PCDHA4: variants seen among roughly 807,000 people sequenced by gnomAD.
PCDHA4 encodes the protein protocadherin alpha-4.
A neutral mutation model predicts 61.4 loss-of-function variants in PCDHA4; 49 were observed. That is an observed-to-expected ratio of 0.80 (90% CI 0.63 to 1.01). The LOEUF (loss-of-function observed/expected upper bound fraction) is 1.01, where lower values mean the gene tolerates loss of function less well. Among genes scored for constraint, PCDHA4 ranks in the 50% least tolerant of loss-of-function variants. PCDHA4 has a pLI of 0.00. For synonymous variants in PCDHA4, 590 were observed against 550.3 expected (o/e 1.07, Z -1.01); for missense variants, 1,254 against 1,235.8 (o/e 1.01, Z -0.22).
At chr5:140,927,753 C>T (rs1435866827) in intron 1 of PCDHA4, 3 of 1,614,078 alleles carry the variant, frequency 1.9e-6, no homozygotes, top group Non-Finnish European at 2.5e-6. Flanking sequence ...TTCACGTGCA[C>T]CCTAAAAGTG....
intron 1 of PCDHA4, among the ~76,000 whole-genome samples, chr5:140,900,338 C>T (rs145242611): frequency 0.027 from 4,159 of 152,082 alleles, 89 homozygotes; most frequent in Non-Finnish European, 0.044. Flanking sequence ...AGTACCGTGG[C>T]GCAATCTTGG....
intron 1 of PCDHA4, chr5:140,853,685 C>T (rs1554146805): frequency 1.0e-6 from 1 of 988,006 alleles, no homozygotes; most frequent in Non-Finnish European, 1.2e-6. Context: ...TCAACCTATC[C>T]TTAGACCTGC....
chr5:140,870,493 A>T (rs782514435), intron 1 of PCDHA4: 2 of 1,614,214 alleles, frequency 1.2e-6, no homozygotes, highest in South Asian at 2.2e-5. Context: ...CGTGTTCGTG[A>T]AGGAGAACAA....
intron 1 of PCDHA4, among the ~76,000 whole-genome samples, chr5:140,831,946 G>T (rs928046102): frequency 1.3e-5 from 2 of 152,098 alleles, no homozygotes; most frequent in African/African-American, 2.4e-5. Flanking sequence ...AAGAGGAAAA[G>T]AAAAACTTTA....
intron 1 of PCDHA4, chr5:140,868,546 A>T (rs1356639258): frequency 1.3e-5 from 2 of 152,640 alleles, no homozygotes; most frequent in African/African-American, 2.4e-5. Context: ...TTCAAATTTG[A>T]TAGTATTTTT....
chr5:140,929,170 C>T, intron 1 of PCDHA4: 4 of 1,614,134 alleles, frequency 2.5e-6, no homozygotes, highest in Non-Finnish European at 3.4e-6. Flanking sequence ...TCGGGCCTCT[C>T]TGGGACTTGG....
intron 1 of PCDHA4, among the ~76,000 whole-genome samples, chr5:140,888,673 A>G (rs571585641): frequency 6.6e-6 from 1 of 152,180 alleles, no homozygotes; most frequent in Non-Finnish European, 1.5e-5. Context: ...TGCCCTGTGC[A>G]TTAAGAGGTC....
At chr5:140,917,374 C>T (rs1378508006) in intron 1 of PCDHA4, among the ~76,000 whole-genome samples, 1 of 151,778 alleles carries the variant, frequency 6.6e-6, no homozygotes, top group East Asian at 1.9e-4. Flanking sequence ...CTTGCTCCAC[C>T]TCAATAGTCT....
At chr5:140,884,206 C>T (rs1554181328) in intron 1 of PCDHA4, 1 of 1,613,542 alleles carries the variant, frequency 6.2e-7, no homozygotes, top group Admixed American at 1.7e-5. Context: ...CGCACCACCG[C>T]CTTCTGGTGC....
At chr5:140,838,287 T>TTTTTC (rs2150287312) in intron 1 of PCDHA4, among the ~76,000 whole-genome samples, 2,227 of 150,168 alleles carry the variant, frequency 0.015, 86 homozygotes, top group African/African-American at 0.051. Flanking sequence ...CTAATTTTTT[T>TTTTTC]TTTTTTTTGT....
intron 1 of PCDHA4, chr5:140,928,862 G>A (rs1554206427): frequency 1.2e-6 from 2 of 1,614,166 alleles, no homozygotes; most frequent in Admixed American, 1.7e-5. Context: ...GTGCTGTTGA[G>A]CAACTCTGTC....
chr5:140,917,837 T>G (rs2078388052), intron 1 of PCDHA4, among the ~76,000 whole-genome samples: 1 of 152,174 alleles, frequency 6.6e-6, no homozygotes, highest in Non-Finnish European at 1.5e-5. Context: ...GATGTCCTTC[T>G]TGTTCTTTTT....
intron 1 of PCDHA4, chr5:140,875,899 T>C: frequency 1.2e-6 from 2 of 1,614,192 alleles, no homozygotes; most frequent in South Asian, 1.1e-5. Context: ...GGTACCTGTT[T>C]CTGAATCTGC....
rs369163231 is a variant in PCDHA4 at position 140,807,788 on chromosome 5, G to C, written c.601G>C (p.Asp201His). 2.5e-6 allele frequency: 4 copies of C among 1,614,024 alleles called. No homozygotes were observed. The highest frequency in any genetic ancestry group is 3.4e-6 in the Non-Finnish European group (4 of 1,180,050). ...TGGGCTTATATTACGGAAATCTTTAGACAGAGAAGAAGCTCCGGAGATTTT... is the reference window on the plus strand; with the variant it reads ...TGGGCTTATATTACGGAAATCTTTACACAGAGAAGAAGCTCCGGAGATTTT... Reference protein sequence around the residue: ...GLGLILRKSLDREEAPEIFLV... With the variant: ...GLGLILRKSLHREEAPEIFLV... The change falls in exon 1 of 4, where the codon GAC becomes CAC. Residue 201 changes from aspartate to histidine, a missense_variant. Asp to His is a moderately conservative substitution (Grantham distance 81). Coordinates refer to ENST00000530339, the MANE Select transcript of PCDHA4 (RefSeq NM_018907.4).
intron 1 of PCDHA4, chr5:140,858,104 G>T: frequency 6.3e-7 from 1 of 1,597,736 alleles, no homozygotes; most frequent in Non-Finnish European, 8.6e-7. Context: ...AGTGGGCGTG[G>T]CGCCCGAGGT....
chr5:140,833,217 A>G (rs1276816516), intron 1 of PCDHA4, among the ~76,000 whole-genome samples: 2 of 152,208 alleles, frequency 1.3e-5, no homozygotes, highest in Non-Finnish European at 1.5e-5. Context: ...AGGAATGGAC[A>G]GGTTACACAA....
At chr5:140,882,452 C>A (rs782448323) in intron 1 of PCDHA4, 1 of 1,614,042 alleles carries the variant, frequency 6.2e-7, no homozygotes, top group East Asian at 2.2e-5. Context: ...GCTGGTGCCG[C>A]GCCTGTTCCG....
In PCDHA4 at chr5:140,849,637, C is replaced by T. The variant is rs1581190048; in HGVS notation, c.2385+40065C>T. 3.8e-6 allele frequency: 6 copies of T among 1,598,688 alleles called. 1 individual carries two copies. Among genetic ancestry groups the T allele is most frequent in the Non-Finnish European group, 5.1e-6 (6 of 1,167,950 alleles). On this transcript the variant is annotated intron_variant, in intron 1 of 3. Transcript: ENST00000530339. ...AGTGTGATCGACCTAGACGCAGATG[C>T]CAACGGGCAGGTTACCTGCTCCCTG...
At chr5:140,862,433 G>T (rs781821294) in intron 1 of PCDHA4, 1 of 354,884 alleles carries the variant, frequency 2.8e-6, no homozygotes, top group Non-Finnish European at 5.6e-6. Flanking sequence ...GAAACTATTC[G>T]TTGGTACTCC....
Sources: gnomAD v4.1 joint callset for allele counts (sites outside exome capture counted in the v4.1 genomes callset) on GRCh38, gnomAD v4.1.1 for gene constraint, MANE v1.5 for transcripts, NCBI Gene and HGNC (gene_info 2026-07-23, HGNC 2026-07-21) for gene names.